Variants in NDUFAF7 observed in about 807,000 individuals in gnomAD.
NDUFAF7 encodes protein arginine methyltransferase NDUFAF7, mitochondrial.
Under a neutral mutation model 47.2 loss-of-function variants are expected in NDUFAF7, and 48 were observed. That is an observed-to-expected ratio of 1.02 (90% confidence interval 0.81 to 1.29). The LOEUF is 1.29. Among genes scored for constraint, NDUFAF7 ranks in the 50% most tolerant of loss-of-function variants. The pLI, the probability that NDUFAF7 is intolerant of heterozygous loss-of-function variation, is 0.00. For missense variants in NDUFAF7, 635 were observed against 537.6 expected (o/e 1.18, Z -1.79); for synonymous variants, 217 against 190.0 (o/e 1.14, Z -1.17).
At chr2:37,235,860 A>G (rs1300959678) in intron 2 of NDUFAF7, among the ~76,000 whole-genome samples, 7 of 151,918 alleles carry the variant, frequency 4.6e-5, no homozygotes, top group African/African-American at 7.3e-5. Context: ...GGGTTTCACC[A>G]TGTTAGGCAG....
chr2:37,244,960 C>G (rs186086781), intron 7 of NDUFAF7, among the ~76,000 whole-genome samples: 12 of 152,210 alleles, frequency 7.9e-5, no homozygotes, highest in Admixed American at 7.2e-4. Context: ...GAATGAGATG[C>G]GTGGTAATAC....
the NDUFAF7 span, chr2:37,269,355 C>T: frequency 2.3e-6 from 1 of 441,066 alleles, no homozygotes; most frequent in Non-Finnish European, 4.2e-6. Flanking sequence ...CTCCGACAAA[C>T]ATCTGTATGT....
chr2:37,246,979 C>G (rs1008982085), intron 8 of NDUFAF7, among the ~76,000 whole-genome samples: 2 of 151,982 alleles, frequency 1.3e-5, no homozygotes, highest in Non-Finnish European at 2.9e-5. Flanking sequence ...GTTTGGGGTA[C>G]GAGTGAGCCT....
chr2:37,255,361 G>T (rs1337014553), downstream of NDUFAF7, among the ~76,000 whole-genome samples: 1 of 152,194 alleles, frequency 6.6e-6, no homozygotes, highest in Non-Finnish European at 1.5e-5. Context: ...CCAGATGGGG[G>T]TATTCCCCAG....
the NDUFAF7 span, chr2:37,260,427 AAC>A: frequency 0.03 from 46,442 of 1,541,772 alleles, 829 homozygotes; most frequent in South Asian, 0.038. Context: ...TAAGCAGAGA[AAC>A]AGTTTTACTA....
At chr2:37,261,502 C>T in the NDUFAF7 span, among the ~76,000 whole-genome samples, 13 of 143,236 alleles carry the variant, frequency 9.1e-5, no homozygotes, top group Admixed American at 2.1e-4. Flanking sequence ...AAAAAAAGGC[C>T]GGGCGCGGTG....
chr2:37,233,400 C>T (rs1445654312), intron 2 of NDUFAF7, among the ~76,000 whole-genome samples: 2 of 152,146 alleles, frequency 1.3e-5, no homozygotes, highest in African/African-American at 2.4e-5. Context: ...GAGGCCAAGG[C>T]GGGTGGATCA....
the NDUFAF7 span, chr2:37,269,537 A>C: frequency 7.6e-7 from 1 of 1,317,000 alleles, no homozygotes; most frequent in Non-Finnish European, 1.1e-6. Flanking sequence ...ATGAGATGAC[A>C]AAACAGCTGG....
At chr2:37,242,285 G>A (rs1044025908) in intron 5 of NDUFAF7, 2 of 275,330 alleles carry the variant, frequency 7.3e-6, no homozygotes, top group Non-Finnish European at 6.9e-6. Flanking sequence ...TTGGGTAAGG[G>A]ATCTCAAGCC....
Position 37,246,763 on chromosome 2 carries a change from T to TTAGTG in NDUFAF7, c.936+570_936+571insGTGTA, listed in dbSNP as rs1553359610. Among the ~76,000 whole-genome samples, 240 of 152,020 alleles carry TTAGTG rather than the reference T, an allele frequency of 1.6e-3. 2 individuals are homozygous for TTAGTG. The highest frequency in any genetic ancestry group is 5.6e-3 in the African/African-American group (231 of 41,456). Reference sequence around the variant, plus strand: ...GGTCTGTGGTTCTTAATTTCTAACTTTATCTAAAAATAACCTGGATAGTTT... The same window carrying TTAGTG: ...GGTCTGTGGTTCTTAATTTCTAACTTTAGTGTATCTAAAAATAACCTGGATAGTTT... On this transcript the variant is annotated intron_variant, in intron 8 of 9. Transcript: ENST00000002125.
chr2:37,251,453 C>A (rs1667484551), downstream of NDUFAF7: 1 of 152,560 alleles, frequency 6.6e-6, no homozygotes, highest in Non-Finnish European at 1.5e-5. Context: ...TGACTTAACA[C>A]TATGGCTGCT....
downstream of NDUFAF7, chr2:37,253,474 C>A: frequency 2.8e-6 from 2 of 727,080 alleles, no homozygotes; most frequent in Non-Finnish European, 4.4e-6. Flanking sequence ...AGGCGCTACT[C>A]ATAAGTATCT....
intron 2 of NDUFAF7, among the ~76,000 whole-genome samples, chr2:37,233,336 TC>T (rs1665387388): frequency 6.6e-6 from 1 of 152,130 alleles, no homozygotes; most frequent in African/African-American, 2.4e-5. Flanking sequence ...GCTGTAAGAG[TC>T]TGGCGTTCAG....
chr2:37,256,612 A>G (rs1439161592), downstream of NDUFAF7: 7 of 1,462,996 alleles, frequency 4.8e-6, no homozygotes, highest in African/African-American at 7.2e-5. Context: ...GTTTAGGCTT[A>G]AAACACATAG....
At chr2:37,270,211 G>C in the NDUFAF7 span, among the ~76,000 whole-genome samples, 2 of 151,472 alleles carry the variant, frequency 1.3e-5, no homozygotes, top group Non-Finnish European at 2.9e-5. Context: ...TGGGCAACAA[G>C]AGCGAGACTC....
intron 4 of NDUFAF7, among the ~76,000 whole-genome samples, chr2:37,238,445 G>A (rs898395859): frequency 1.3e-5 from 2 of 149,908 alleles, no homozygotes; most frequent in Admixed American, 6.6e-5. Context: ...GCGAGACTCC[G>A]TCTCAAAAAA....
At chr2:37,257,217 T>C (rs768252593), downstream of NDUFAF7, among the ~76,000 whole-genome samples, 2 of 152,204 alleles carry the variant, frequency 1.3e-5, no homozygotes, top group African/African-American at 4.8e-5. Context: ...AGTGTTCTGA[T>C]TTCTTATGAA....
At chr2:37,266,547 C>T in the NDUFAF7 span, among the ~76,000 whole-genome samples, 3 of 151,138 alleles carry the variant, frequency 2.0e-5, no homozygotes, top group Non-Finnish European at 2.9e-5. Context: ...AGTGCAATGG[C>T]ACAATCTTGG....
rs1667176572 is a variant in NDUFAF7, at chr2:37,248,651, A to G, written c.*301A>G. The G allele has an allele frequency of 5.4e-6, 2 of 370,904 alleles. No individual in the cohort carries two copies. Among genetic ancestry groups the G allele is most frequent in the African/African-American group, 4.2e-5 (2 of 47,304 alleles). 23.0% of individuals were successfully genotyped at this position (370,904 alleles called of 1,614,324 possible). On this transcript the variant is annotated 3_prime_UTR_variant, in exon 10 of 10. Coordinates refer to ENST00000002125, the MANE Select transcript of NDUFAF7 (RefSeq NM_144736.5). ...AACATGCGGCTGGGCGTGGTGGCTC[A>G]TGCCTGTAATCCCAGCACTTTGGGA...
Sources: allele counts gnomAD v4.1 joint callset (sites outside exome capture counted in the v4.1 genomes callset), GRCh38; gene constraint gnomAD v4.1.1; transcripts MANE v1.5; gene names NCBI Gene and HGNC (gene_info 2026-07-23, HGNC 2026-07-21).